PDGFD: variants seen among roughly 807,000 people sequenced by gnomAD.
The protein encoded by PDGFD is platelet derived growth factor D.
PDGFD carries 30 observed loss-of-function variants against 44.7 expected under a neutral mutation model. The ratio of observed to expected loss-of-function variants is 0.67; its 90% confidence interval spans 0.50 to 0.91. PDGFD has a LOEUF of 0.91. Among genes scored for constraint, PDGFD ranks in the 40% least tolerant of loss-of-function variants. PDGFD has a pLI of 0.00. For synonymous variants in PDGFD, 173 were observed against 168.4 expected (o/e 1.03, Z -0.21); for missense variants, 445 against 457.8 (o/e 0.97, Z 0.25).
At chr11:104,111,654 C>T (rs565647046) in intron 1 of PDGFD, among the ~76,000 whole-genome samples, 43 of 152,124 alleles carry the variant, frequency 2.8e-4, no homozygotes, top group African/African-American at 1.0e-3. Context: ...GAAACTCAAA[C>T]TAGGAAAAAA....
intron 6 of PDGFD, among the ~76,000 whole-genome samples, chr11:103,914,146 C>T (rs7104782): frequency 0.46 from 69,599 of 151,918 alleles, 16,057 homozygotes; most frequent in South Asian, 0.49. Flanking sequence ...CAGAGTAGGC[C>T]TGCAAGACTG....
At chr11:103,926,805 C>T (rs916449214) in intron 6 of PDGFD, 107 bp downstream of exon 6, 32 of 1,172,164 alleles carry the variant, frequency 2.7e-5, no homozygotes, top group Non-Finnish European at 3.6e-5. Context: ...CAAACCCTGG[C>T]TGGGTGCCCT....
At chr11:104,161,300 ATCATGTC>A (rs1862383860) in intron 1 of PDGFD, among the ~76,000 whole-genome samples, 1 of 152,128 alleles carries the variant, frequency 6.6e-6, no homozygotes, top group African/African-American at 2.4e-5. Context: ...TCAAGCTTTT[ATCATGTC>A]TTAATCTGAT....
intron 3 of PDGFD, among the ~76,000 whole-genome samples, chr11:103,954,946 C>T (rs935794349): frequency 6.6e-6 from 1 of 151,586 alleles, no homozygotes; most frequent in African/African-American, 2.4e-5. Flanking sequence ...GGGCGGATCA[C>T]GAGGTCAGGA....
chr11:103,961,713 C>T (rs1401377685), intron 3 of PDGFD, among the ~76,000 whole-genome samples: 1 of 152,138 alleles, frequency 6.6e-6, no homozygotes, highest in Admixed American at 6.6e-5. Flanking sequence ...CTACTACTGA[C>T]TACACAGTTC....
chr11:104,024,640 A>G (rs1231461530), intron 1 of PDGFD, among the ~76,000 whole-genome samples: 1 of 152,202 alleles, frequency 6.6e-6, no homozygotes, highest in Non-Finnish European at 1.5e-5. Context: ...GCTATACCAT[A>G]CAGCGTTGTA....
chr11:104,071,052 G>A (rs1335618823), intron 1 of PDGFD, among the ~76,000 whole-genome samples: 2 of 151,984 alleles, frequency 1.3e-5, no homozygotes, highest in African/African-American at 4.8e-5. Context: ...CACTAGGGGA[G>A]TGTGATGTAA....
chr11:104,074,151 G>C (rs1860918943), intron 1 of PDGFD, among the ~76,000 whole-genome samples: 1 of 152,166 alleles, frequency 6.6e-6, no homozygotes, highest in African/African-American at 2.4e-5. Context: ...GAGTAATGCA[G>C]GATGAGTAGA....
At chr11:104,033,051 T>TGC (rs1555045574) in intron 1 of PDGFD, among the ~76,000 whole-genome samples, 1 of 130,476 alleles carries the variant, frequency 7.7e-6, no homozygotes, top group Non-Finnish European at 1.5e-5. Flanking sequence ...TGTTTAGGGG[T>TGC]GTGTGTGTGT....
At chr11:104,125,253 C>A (rs1861825349) in intron 1 of PDGFD, among the ~76,000 whole-genome samples, 1 of 152,086 alleles carries the variant, frequency 6.6e-6, no homozygotes, top group Admixed American at 6.6e-5. Context: ...TTCCTGCTTA[C>A]CAGCTATTTG....
chr11:104,119,811 T>A (rs866772096), intron 1 of PDGFD, among the ~76,000 whole-genome samples: 13 of 117,824 alleles, frequency 1.1e-4, no homozygotes, highest in African/African-American at 2.7e-4. Context: ...ATATATAATA[T>A]AAATAATTAT....
At chr11:103,942,058 C>G (rs1384428950) in intron 5 of PDGFD, among the ~76,000 whole-genome samples, 1 of 152,060 alleles carries the variant, frequency 6.6e-6, no homozygotes, top group Non-Finnish European at 1.5e-5. Flanking sequence ...TCTTGTCCCC[C>G]TCTTAGCTAA....
chr11:104,041,978 A>G (rs1860361201), intron 1 of PDGFD, among the ~76,000 whole-genome samples: 1 of 152,198 alleles, frequency 6.6e-6, no homozygotes, highest in Non-Finnish European at 1.5e-5. Context: ...CACTTAAGTG[A>G]TGAGAGTGAT....
intron 1 of PDGFD, among the ~76,000 whole-genome samples, chr11:104,152,665 G>A (rs1304711143): frequency 6.6e-6 from 1 of 151,828 alleles, no homozygotes; most frequent in South Asian, 2.1e-4. Flanking sequence ...TTTTGTTTTT[G>A]TTTTTGGTTT....
intron 1 of PDGFD, among the ~76,000 whole-genome samples, chr11:104,138,464 T>A (rs183102234): frequency 6.6e-6 from 1 of 152,328 alleles, no homozygotes; most frequent in East Asian, 1.9e-4. Flanking sequence ...TAAAGGCTTA[T>A]GTTTCCTCCT....
rs541658858 is a variant in PDGFD, at chr11:103,925,704, G to GACAC, written c.987+1204_987+1207dup. 7.7e-3 allele frequency among the ~76,000 whole-genome samples: 815 copies of GACAC among 106,108 alleles called. 15 individuals carry two copies. The highest frequency in any genetic ancestry group is 0.069 in the South Asian group (210 of 3,038). The allele number at this position is 106,108 out of a possible 152,430, so 69.6% of individuals were successfully genotyped here. A position where few individuals can be genotyped will look rare whatever the true frequency, so the allele number is the denominator to read the frequency against. On this transcript the variant is annotated intron_variant, in intron 6 of 6. Transcript: ENST00000393158. ...GTATATATATATATATATATACACA[G>GACAC]ACACACACACACATATATATATATA...
intron 1 of PDGFD, among the ~76,000 whole-genome samples, chr11:104,097,778 T>C (rs1312862763): frequency 1.3e-5 from 2 of 152,180 alleles, no homozygotes; most frequent in African/African-American, 2.4e-5. Flanking sequence ...GTGGTAATAA[T>C]TAATCTGTCC....
chr11:103,994,354 T>A (rs1032367958), intron 3 of PDGFD, among the ~76,000 whole-genome samples: 1 of 152,180 alleles, frequency 6.6e-6, no homozygotes, highest in African/African-American at 2.4e-5. Context: ...ACTGAACACA[T>A]TAAAAGGCAA....
At chr11:104,105,564 A>G (rs80218676) in intron 1 of PDGFD, among the ~76,000 whole-genome samples, 8,324 of 151,920 alleles carry the variant, frequency 0.055, 354 homozygotes, top group African/African-American at 0.11. Flanking sequence ...TATTTAAACC[A>G]CCTGGTTGTA....
Sources: gnomAD v4.1 joint callset for allele counts (sites outside exome capture counted in the v4.1 genomes callset) on GRCh38, gnomAD v4.1.1 for gene constraint, MANE v1.5 for transcripts, NCBI Gene and HGNC (gene_info 2026-07-23, HGNC 2026-07-21) for gene names.